AGBL1: variants seen among roughly 807,000 people sequenced by gnomAD.
AGBL1 encodes the protein AGBL carboxypeptidase 1.
In AGBL1, 130 loss-of-function variants were observed where a neutral mutation model predicts 118.9. The observed-to-expected ratio is 1.09, with a 90% CI of 0.95 to 1.26. AGBL1 has a LOEUF of 1.26. Among genes scored for constraint, AGBL1 ranks in the 50% most tolerant of loss-of-function variants. AGBL1 has a pLI of 0.00. For missense variants in AGBL1, 1,584 were observed against 1,298.1 expected, an observed-to-expected ratio of 1.22 and a Z score of -3.38; for synonymous variants, 555 against 478.9, an observed-to-expected ratio of 1.16 and a Z score of -2.08.
At chr15:86,151,964 A>G (rs1256012175) in intron 3 of AGBL1, among the ~76,000 whole-genome samples, 1 of 152,206 alleles carries the variant, frequency 6.6e-6, no homozygotes, top group Non-Finnish European at 1.5e-5. Context: ...CTTACAAGGG[A>G]TGTGAAGGAC....
At chr15:86,582,967 A>T (rs761077843) in intron 21 of AGBL1, among the ~76,000 whole-genome samples, 1 of 152,072 alleles carries the variant, frequency 6.6e-6, no homozygotes, top group African/African-American at 2.4e-5. Flanking sequence ...CATAAGTAAC[A>T]AACCTGCACA....
intron 21 of AGBL1, among the ~76,000 whole-genome samples, chr15:86,665,452 G>A (rs924844453): frequency 5.3e-5 from 8 of 152,056 alleles, no homozygotes; most frequent in African/African-American, 1.9e-4. Flanking sequence ...GTAAGCCTAC[G>A]ATGAGAAGAG....
At chr15:86,931,145 A>G (rs1021470167) in intron 23 of AGBL1, among the ~76,000 whole-genome samples, 4 of 152,222 alleles carry the variant, frequency 2.6e-5, no homozygotes, top group African/African-American at 9.6e-5. Context: ...TCTTTAGACA[A>G]TGCTTCCTTT....
chr15:86,303,207 T>C (rs1011056404), intron 17 of AGBL1, among the ~76,000 whole-genome samples: 13 of 152,284 alleles, frequency 8.5e-5, no homozygotes, highest in South Asian at 2.1e-4. Flanking sequence ...TGGATAATAA[T>C]ACTTTTTCAT....
intron 23 of AGBL1, among the ~76,000 whole-genome samples, chr15:86,936,057 C>T (rs779255281): frequency 7.9e-5 from 12 of 152,308 alleles, no homozygotes; most frequent in Middle Eastern, 3.4e-3. Context: ...GCAGAGCGGC[C>T]GAGGATGGGT....
At chr15:86,193,960 C>T (rs1056876766) in intron 5 of AGBL1, among the ~76,000 whole-genome samples, 1 of 152,198 alleles carries the variant, frequency 6.6e-6, no homozygotes, top group Non-Finnish European at 1.5e-5. Context: ...GTTTCTGAGT[C>T]CTGTCTCTGA....
intron 21 of AGBL1, among the ~76,000 whole-genome samples, chr15:86,557,067 C>A (rs1020066543): frequency 9.2e-5 from 14 of 152,246 alleles, no homozygotes; most frequent in African/African-American, 2.6e-4. Flanking sequence ...CTATAGTTGG[C>A]TAATTAGAAA....
At chr15:86,390,390 T>G (rs2081258436) in intron 17 of AGBL1, among the ~76,000 whole-genome samples, 1 of 152,122 alleles carries the variant, frequency 6.6e-6, no homozygotes. Flanking sequence ...ACTAACAAAC[T>G]TGACCTAATT....
At chr15:86,810,450 T>G (rs545359794) in intron 22 of AGBL1, among the ~76,000 whole-genome samples, 1 of 152,256 alleles carries the variant, frequency 6.6e-6, no homozygotes, top group East Asian at 1.9e-4. Flanking sequence ...AGTTTTCTTC[T>G]TGCCATTTTT....
intron 23 of AGBL1, among the ~76,000 whole-genome samples, chr15:86,964,596 G>C (rs1461379990): frequency 2.0e-5 from 3 of 151,702 alleles, no homozygotes; most frequent in African/African-American, 7.3e-5. Flanking sequence ...AGCTTAGTGG[G>C]CTTGCCTATG....
At chr15:86,846,588 G>T (rs1445714958) in intron 22 of AGBL1, among the ~76,000 whole-genome samples, 2 of 152,174 alleles carry the variant, frequency 1.3e-5, no homozygotes, top group Non-Finnish European at 2.9e-5. Flanking sequence ...CTGGAGTGCA[G>T]TGGCGCCATC....
At chr15:86,844,309 G>A (rs2079287914) in intron 22 of AGBL1, among the ~76,000 whole-genome samples, 1 of 152,136 alleles carries the variant, frequency 6.6e-6, no homozygotes, top group Non-Finnish European at 1.5e-5. Flanking sequence ...TTAAGTGGCT[G>A]TACCTTTTAC....
chr15:86,344,821 C>G (rs1254002757), intron 17 of AGBL1, among the ~76,000 whole-genome samples: 1 of 151,832 alleles, frequency 6.6e-6, no homozygotes, highest in Non-Finnish European at 1.5e-5. Flanking sequence ...TTCTGGAGCC[C>G]CAGAACCCAT....
chr15:86,689,543 C>T (rs369206573), intron 22 of AGBL1, among the ~76,000 whole-genome samples: 7 of 152,072 alleles, frequency 4.6e-5, no homozygotes, highest in East Asian at 3.9e-4. Context: ...TGAAGACTTA[C>T]GGGCTAAATA....
intron 17 of AGBL1, among the ~76,000 whole-genome samples, chr15:86,358,441 C>T (rs2080755351): frequency 1.3e-5 from 2 of 151,946 alleles, no homozygotes; most frequent in Non-Finnish European, 2.9e-5. Context: ...GATGAACACT[C>T]AGGTTGTTTC....
At chr15:86,383,247 TAAAAAAAAAAA>T (rs4035838) in intron 17 of AGBL1, among the ~76,000 whole-genome samples, 8 of 54,478 alleles carry the variant, frequency 1.5e-4, no homozygotes, top group South Asian at 1.0e-3. Context: ...ATTCAGTATG[TAAAAAAAAAAA>T]AAAAAAAAAA....
intron 21 of AGBL1, among the ~76,000 whole-genome samples, chr15:86,566,729 A>C (rs1244742205): frequency 6.6e-6 from 1 of 152,194 alleles, no homozygotes; most frequent in Non-Finnish European, 1.5e-5. Flanking sequence ...ACACACACAC[A>C]GATTCTTTCT....
intron 22 of AGBL1, among the ~76,000 whole-genome samples, chr15:86,894,762 A>C (rs2080098950): frequency 6.6e-6 from 1 of 152,202 alleles, no homozygotes. Context: ...AAATAGAAGT[A>C]TCTAGTCAAA....
At chr15:86,388,358 G>A (rs1475881875) in intron 17 of AGBL1, among the ~76,000 whole-genome samples, 1 of 152,114 alleles carries the variant, frequency 6.6e-6, no homozygotes, top group African/African-American at 2.4e-5. Flanking sequence ...CTTCCTGTTA[G>A]CAGCTCTATT....
Sources: allele counts gnomAD v4.1 joint callset (sites outside exome capture counted in the v4.1 genomes callset), GRCh38; gene constraint gnomAD v4.1.1; transcripts MANE v1.5; gene names NCBI Gene and HGNC (gene_info 2026-07-23, HGNC 2026-07-21).